LINGO1: variants seen among roughly 807,000 people sequenced by gnomAD.
LINGO1 encodes leucine rich repeat and Ig domain containing 1.
LINGO1 carries 11 observed loss-of-function variants against 37.3 expected under a neutral mutation model. The ratio of observed to expected loss-of-function variants is 0.29; its 90% CI spans 0.19 to 0.49. The LOEUF (loss-of-function observed/expected upper bound fraction) is 0.49, where lower values mean the gene tolerates loss of function less well. Among genes scored for constraint, LINGO1 ranks in the 20% least tolerant of loss-of-function variants. LINGO1 has a pLI of 0.99. For synonymous variants in LINGO1, 387 were observed against 403.0 expected (o/e 0.96, Z 0.48); for missense variants, 585 against 878.2 (o/e 0.67, Z 4.22).
chr15:77,819,818 G>A (rs1167603191), intron 1 of LINGO1, among the ~76,000 whole-genome samples: 2 of 151,230 alleles, frequency 1.3e-5, no homozygotes, highest in African/African-American at 4.8e-5. Flanking sequence ...CTGGGCCCAG[G>A]TGCCGACTCG....
At chr15:77,673,685 C>T (rs994662954) in intron 3 of LINGO1, among the ~76,000 whole-genome samples, 2 of 152,190 alleles carry the variant, frequency 1.3e-5, no homozygotes, top group Non-Finnish European at 2.9e-5. Context: ...TGCTCTCATC[C>T]AACCTCATGG....
upstream of LINGO1, among the ~76,000 whole-genome samples, chr15:77,697,738 G>T (rs1352898348): frequency 6.6e-6 from 1 of 152,188 alleles, no homozygotes; most frequent in Non-Finnish European, 1.5e-5. Context: ...GTGGAAACAG[G>T]GTAGTGGGCA....
chr15:77,662,691 C>T lies in LINGO1; in HGVS notation c.-13+14398G>A, dbSNP rs143494005. ...GTGACCTAAAAATCAATCCTTTTAG[C>T]CCCTTCTGAAGCCAGAAGGTCTCTG... On this transcript the variant is annotated intron_variant, in intron 3 of 3. Transcript: ENST00000559893. Among the ~76,000 whole-genome samples the T allele has an allele frequency of 2.1e-3, 323 of 152,282 alleles. 1 individual carries two copies. Among genetic ancestry groups the T allele is most frequent in the Middle Eastern group, 0.014 (4 of 294 alleles).
Position 77,613,827 on chromosome 15 carries a change from T to C in LINGO1, c.*217A>G, listed in dbSNP as rs561506476. 4 of 578,824 alleles carry C rather than the reference T, an allele frequency of 6.9e-6. No homozygotes were observed. Among genetic ancestry groups the C allele is most frequent in the Non-Finnish European group, 1.2e-5 (4 of 325,364 alleles). 35.9% of individuals were successfully genotyped at this position (578,824 alleles called of 1,614,324 possible). On this transcript the variant is annotated 3_prime_UTR_variant, in exon 2 of 2. Transcript: ENST00000355300. ...ACTCCAGTCTGTCAATGCCCCTGTG[T>C]AGGTGGGGTCCCCAGGTCTGGGCTT...
chr15:77,757,904 C>T (rs571517933), intron 1 of LINGO1, among the ~76,000 whole-genome samples: 3 of 152,342 alleles, frequency 2.0e-5, no homozygotes, highest in African/African-American at 4.8e-5. Flanking sequence ...CGTTAATCAC[C>T]GTGGGCCGCC....
At chr15:77,804,492 G>A (rs947009188) in intron 1 of LINGO1, among the ~76,000 whole-genome samples, 3 of 152,338 alleles carry the variant, frequency 2.0e-5, no homozygotes, top group Non-Finnish European at 2.9e-5. Flanking sequence ...GAGGGCGAGA[G>A]CACAGGCTGG....
At chr15:77,681,745 G>A (rs1197189426) in intron 2 of LINGO1, among the ~76,000 whole-genome samples, 1 of 152,146 alleles carries the variant, frequency 6.6e-6, no homozygotes. Flanking sequence ...GCACAGGAAT[G>A]AGGGGACAGG....
rs2075643560 is a variant in LINGO1 at position 77,693,711 on chromosome 15, A to T, written c.-281+2680T>A. 2.0e-5 allele frequency among the ~76,000 whole-genome samples: 3 copies of T among 152,330 alleles called. No individual in the cohort carries two copies. In the South Asian group the frequency reaches 6.2e-4, roughly 32 times the overall value. On this transcript the variant is annotated intron_variant, in intron 1 of 3. Transcript: ENST00000559893. ...CAAGGACAAGAAGACAGGCTTAGCC[A>T]GGGTGATGGCACAGAGAGGGAGGAA...
intron 2 of LINGO1, among the ~76,000 whole-genome samples, chr15:77,718,069 C>T (rs2076006191): frequency 6.6e-6 from 1 of 150,832 alleles, no homozygotes. Context: ...TGAGCAGCTA[C>T]AGAGACAGCG....
intron 3 of LINGO1, among the ~76,000 whole-genome samples, chr15:77,676,450 T>C (rs574906780): frequency 9.9e-5 from 15 of 152,244 alleles, no homozygotes; most frequent in Non-Finnish European, 2.1e-4. Flanking sequence ...CTGGCAACCC[T>C]AGCTGCTACC....
rs1210942801 is a variant in LINGO1, at chr15:77,642,222, G to A, written c.-12-26322C>T. On this transcript the variant is annotated intron_variant, in intron 3 of 3. Transcript: ENST00000559893. Reference sequence around the variant, plus strand: ...AAGACCTGAGTCCAGGACAGCAGTGGGAGGGGAGACAGCTGCGGAGGGGGA... The same window carrying A: ...AAGACCTGAGTCCAGGACAGCAGTGAGAGGGGAGACAGCTGCGGAGGGGGA... Among the ~76,000 whole-genome samples the A allele has an allele frequency of 2.0e-5, 3 of 152,318 alleles. No homozygotes were observed. The South Asian group carries it at 6.2e-4, about 32-fold the overall frequency.
chr15:77,711,885 G>A lies in LINGO1; in HGVS notation c.-194-20984C>T, dbSNP rs574400359. 1.0e-4 allele frequency among the ~76,000 whole-genome samples: 14 copies of A among 136,078 alleles called. No homozygotes were observed. The South Asian group carries it at 2.8e-3, about 27-fold the overall frequency. The allele number at this position is 136,078 out of a possible 152,430, so 89.3% of individuals were successfully genotyped here. ...CTAGGCCTCTGTTCTCTCCTCTGAG[G>A]GGGGGGCACACAGCGACATTCTGCA... On this transcript the variant is annotated intron_variant, in intron 2 of 3. Transcript: ENST00000561686.
At chr15:77,819,170 G>C (rs1390751896) in intron 1 of LINGO1, 1 of 144,604 alleles carries the variant, frequency 6.9e-6, no homozygotes, top group African/African-American at 2.5e-5. Context: ...CCAATCAGAG[G>C]CCGCGCGCGC....
At chr15:77,673,028 G>A (rs74371943) in intron 3 of LINGO1, among the ~76,000 whole-genome samples, 2,692 of 152,282 alleles carry the variant, frequency 0.018, 42 homozygotes, top group Non-Finnish European at 0.023. Flanking sequence ...GGGAAAGGAC[G>A]CTTACCCAAC....
chr15:77,787,499 C>T (rs904641403), upstream of LINGO1, among the ~76,000 whole-genome samples: 1 of 150,366 alleles, frequency 6.7e-6, no homozygotes, highest in South Asian at 2.1e-4. Context: ...CAGAAGGACA[C>T]AGGGGTCCCG....
At chr15:77,814,277 C>T (rs2077030988) in intron 1 of LINGO1, among the ~76,000 whole-genome samples, 1 of 152,200 alleles carries the variant, frequency 6.6e-6, no homozygotes, top group South Asian at 2.1e-4. Context: ...AGTCCAGAGA[C>T]AGGGTCAAGC....
intron 3 of LINGO1, among the ~76,000 whole-genome samples, chr15:77,665,227 C>A (rs1010025146): frequency 2.0e-5 from 3 of 152,228 alleles, no homozygotes; most frequent in Admixed American, 6.5e-5. Flanking sequence ...GCACTCAAGG[C>A]CCCTTGCCCA....
intron 1 of LINGO1, among the ~76,000 whole-genome samples, chr15:77,778,103 C>A (rs2141419590): frequency 6.6e-6 from 1 of 152,312 alleles, no homozygotes; most frequent in East Asian, 1.9e-4. Flanking sequence ...CTGGCTCCTG[C>A]CATAGACTCC....
chr15:77,644,842 T>C (rs1474993602), intron 3 of LINGO1, among the ~76,000 whole-genome samples: 1 of 151,916 alleles, frequency 6.6e-6, no homozygotes, highest in East Asian at 1.9e-4. Flanking sequence ...GACGAGCGGT[T>C]TAGGGTTGGA....
Sources: gnomAD v4.1 joint callset for allele counts (sites outside exome capture counted in the v4.1 genomes callset) on GRCh38, gnomAD v4.1.1 for gene constraint, MANE v1.5 for transcripts, NCBI Gene and HGNC (gene_info 2026-07-23, HGNC 2026-07-21) for gene names.